SLC2A5: variants seen among roughly 807,000 people sequenced by gnomAD.
SLC2A5 encodes the protein solute carrier family 2, facilitated glucose transporter member 5.
SLC2A5 carries 56 observed loss-of-function variants against 50.3 expected under a neutral mutation model. The observed-to-expected ratio is 1.11, with a 90% CI of 0.90 to 1.39. The LOEUF (loss-of-function observed/expected upper bound fraction) is 1.39. Ranked by LOEUF, SLC2A5 falls within the 40% of genes most tolerant of loss-of-function variation. The pLI, the probability that SLC2A5 is intolerant of heterozygous loss-of-function variation, is 0.00. For missense variants in SLC2A5, 566 were observed against 650.1 expected (o/e 0.87, Z 1.41); for synonymous variants, 269 against 281.9 (o/e 0.95, Z 0.46).
rs139776061 is a variant in SLC2A5, at chr1:9,038,005, G to A, written c.1194C>T (p.Leu398=). Residue 398 remains leucine (L), a synonymous_variant, in exon 11 of 12, where the codon CTC becomes CTT. Coordinates refer to ENST00000377424, the MANE Select transcript of SLC2A5 (RefSeq NM_003039.3). ...AGGACTGCAGGAAGATCTCAGTGATGAGCAGCGCGGGTATGGGACCTGTAG... is the reference window on the plus strand; with the variant it reads ...AGGACTGCAGGAAGATCTCAGTGATAAGCAGCGCGGGTATGGGACCTGTAG... ...ALGPSPIPAL[L]ITEIFLQSSR... is the part of the protein sequence containing the mutation. 6.8e-5 allele frequency: 109 copies of A among 1,613,742 alleles called. No homozygotes were observed. Among genetic ancestry groups the A allele is most frequent in the Non-Finnish European group, 9.1e-5 (107 of 1,180,020 alleles).
At chr1:9,064,722 A>G (rs538504732) in intron 1 of SLC2A5, among the ~76,000 whole-genome samples, 1 of 152,204 alleles carries the variant, frequency 6.6e-6, no homozygotes, top group African/African-American at 2.4e-5. Context: ...TAGCCTAACA[A>G]TGCCATACAC....
At chr1:9,042,547 G>A (rs1037727192) in intron 4 of SLC2A5, among the ~76,000 whole-genome samples, 23 of 148,434 alleles carry the variant, frequency 1.5e-4, no homozygotes, top group African/African-American at 3.5e-4. Flanking sequence ...GTGTGTGTGT[G>A]TATATATATA....
At chr1:9,061,155 A>G (rs906284895) in intron 1 of SLC2A5, among the ~76,000 whole-genome samples, 3 of 151,248 alleles carry the variant, frequency 2.0e-5, no homozygotes, top group Non-Finnish European at 4.4e-5. Context: ...CATGATGTGC[A>G]CCTGTAATCC....
chr1:9,065,630 G>A (rs192639964), intron 1 of SLC2A5, among the ~76,000 whole-genome samples: 167 of 152,280 alleles, frequency 1.1e-3, no homozygotes, highest in Middle Eastern at 3.4e-3. Context: ...AGGAGTGTGG[G>A]CTCGAAGCCT....
chr1:9,039,453 T>G, intron 8 of SLC2A5, 99 bp downstream of exon 8: 2 of 817,416 alleles, frequency 2.4e-6, no homozygotes, highest in Non-Finnish European at 3.7e-6. Flanking sequence ...GTCCTCCACG[T>G]TTTGGGGCCA....
chr1:9,083,010 C>A (rs1642370329), intron 2 of SLC2A5: 1 of 162,646 alleles, frequency 6.1e-6, no homozygotes, highest in Admixed American at 6.5e-5. Context: ...AATTGTGCAA[C>A]CCTGTGAATG....
intron 2 of SLC2A5, among the ~76,000 whole-genome samples, chr1:9,084,689 G>A (rs1420448283): frequency 6.6e-6 from 1 of 152,170 alleles, no homozygotes; most frequent in African/African-American, 2.4e-5. Context: ...TGAGAAACAC[G>A]CTTTGGAAGC....
upstream of SLC2A5, among the ~76,000 whole-genome samples, chr1:9,074,619 A>C (rs769244837): frequency 6.6e-6 from 1 of 151,816 alleles, no homozygotes; most frequent in East Asian, 1.9e-4. Context: ...TTTCAGCTTA[A>C]TTTTGTTTTT....
At chr1:9,069,325 C>T (rs1642163656) in intron 1 of SLC2A5, among the ~76,000 whole-genome samples, 179 bp downstream of exon 1, 1 of 152,308 alleles carries the variant, frequency 6.6e-6, no homozygotes, top group African/African-American at 2.4e-5. Context: ...CTAAACCTCT[C>T]TCCTCCCTAT....
rs141442789 is a variant in SLC2A5 at position 9,060,773 on chromosome 1, G to T, written c.34-2523C>A. ...GCTTGGCTCACCTCCCATCTGATTC[G>T]CTCTGTGTATTCATTCATTCACTCG... On this transcript the variant is annotated intron_variant, in intron 1 of 11. Transcript: ENST00000377424. 3.0e-3 allele frequency among the ~76,000 whole-genome samples: 457 copies of T among 149,980 alleles called. 1 individual carries two copies. Among genetic ancestry groups the T allele is most frequent in the Non-Finnish European group, 5.1e-3 (343 of 67,760 alleles).
Position 9,057,573 on chromosome 1 carries a change from A to G in SLC2A5, c.168T>C (p.Gly56=). ...AGTCTTCCATGAATTCACCGGTCCT[A>G]CCATAGTAAGTCTCATTGTAAAATT... is the stretch of plus-strand genomic sequence containing the variant. ...MQQFYNETYY[G]RTGEFMEDFP... is the part of the protein sequence containing the mutation. The change falls in exon 3 of 12, where the codon GGT becomes GGC. Residue 56 remains glycine (G), a synonymous_variant. Coordinates refer to ENST00000377424, the MANE Select transcript of SLC2A5 (RefSeq NM_003039.3). 2 of 1,613,776 alleles carry G rather than the reference A, an allele frequency of 1.2e-6. No individual in the cohort carries two copies. Among genetic ancestry groups the G allele is most frequent in the South Asian group, 2.2e-5 (2 of 91,058 alleles).
At chr1:9,057,390 T>A in intron 3 of SLC2A5, 58 bp downstream of exon 3, 1 of 1,321,012 alleles carries the variant, frequency 7.6e-7, no homozygotes. Context: ...TAGGCCTGTA[T>A]TTTAGCTCTG....
intron 2 of SLC2A5, among the ~76,000 whole-genome samples, chr1:9,079,441 G>T (rs568514635): frequency 6.6e-6 from 1 of 152,068 alleles, no homozygotes; most frequent in African/African-American, 2.4e-5. Context: ...GGCTTCTGTC[G>T]GTTACACATT....
At chr1:9,071,426 C>G (rs886070546), upstream of SLC2A5, among the ~76,000 whole-genome samples, 4 of 152,262 alleles carry the variant, frequency 2.6e-5, no homozygotes, top group African/African-American at 9.6e-5. Context: ...CATCCTCCCC[C>G]CAAAAATAAT....
intron 1 of SLC2A5, among the ~76,000 whole-genome samples, chr1:9,063,716 A>T (rs1484768225): frequency 5.1e-5 from 3 of 59,330 alleles, no homozygotes; most frequent in African/African-American, 2.9e-4. Flanking sequence ...TTTTTTTGAG[A>T]CGGAGTCTTC....
intron 1 of SLC2A5, among the ~76,000 whole-genome samples, chr1:9,087,805 G>T (rs184025815): frequency 4.7e-4 from 71 of 152,210 alleles, no homozygotes; most frequent in Non-Finnish European, 8.8e-4. Flanking sequence ...CCCGCAACAG[G>T]TATTTCGCTC....
At chr1:9,081,083 C>G (rs891838157) in intron 2 of SLC2A5, among the ~76,000 whole-genome samples, 1 of 151,828 alleles carries the variant, frequency 6.6e-6, no homozygotes, top group Non-Finnish European at 1.5e-5. Context: ...ACAAAAAATA[C>G]TAAAAACAAA....
upstream of SLC2A5, among the ~76,000 whole-genome samples, chr1:9,074,101 T>A (rs57336782): frequency 0.012 from 1,773 of 145,346 alleles, 41 homozygotes; most frequent in African/African-American, 0.042. Flanking sequence ...AAAAAAAAAA[T>A]ACGTCAGTAG....
intron 2 of SLC2A5, among the ~76,000 whole-genome samples, chr1:9,083,634 C>A (rs2124482709): frequency 6.6e-6 from 1 of 151,740 alleles, no homozygotes; most frequent in Middle Eastern, 3.4e-3. Context: ...ACCGGCCTGG[C>A]CAAAATGGTG....
Sources: gnomAD v4.1 joint callset for allele counts (sites outside exome capture counted in the v4.1 genomes callset) on GRCh38, gnomAD v4.1.1 for gene constraint, MANE v1.5 for transcripts, NCBI Gene and HGNC (gene_info 2026-07-23, HGNC 2026-07-21) for gene names.